The following FSTL4 variants were observed in gnomAD, a reference collection of about 807,000 sequenced individuals.
FSTL4 encodes the protein follistatin-related protein 4.
A neutral mutation model predicts 78.2 loss-of-function variants in FSTL4; 28 were observed. That is an observed-to-expected ratio of 0.36 (90% confidence interval 0.27 to 0.49). The LOEUF is 0.49. FSTL4 is among the 20% of genes least tolerant of loss of function. The pLI is 0.98. For synonymous variants in FSTL4, 422 were observed against 440.5 expected (o/e 0.96, Z 0.53); for missense variants, 922 against 1,084.9 (o/e 0.85, Z 2.11).
intron 3 of FSTL4, among the ~76,000 whole-genome samples, chr5:133,449,547 G>A (rs1238504091): frequency 6.6e-6 from 1 of 152,182 alleles, no homozygotes; most frequent in African/African-American, 2.4e-5. Flanking sequence ...AAAGCAACCA[G>A]GAGTGATCTC....
At chr5:133,511,514 C>T (rs1481587485) in intron 3 of FSTL4, among the ~76,000 whole-genome samples, 1 of 152,124 alleles carries the variant, frequency 6.6e-6, no homozygotes, top group African/African-American at 2.4e-5. Flanking sequence ...TTGCTGTGAC[C>T]ACGTCTAACT....
rs1477914786 is a variant in FSTL4, at chr5:133,535,584, G to C, written c.160+31602C>G. Among the ~76,000 whole-genome samples, 4 of 152,304 alleles carry C rather than the reference G, an allele frequency of 2.6e-5. No homozygotes were observed. The East Asian group carries it at 7.7e-4, about 29-fold the overall frequency. ...ACTGGTTTGCTGTTAATAAATACGT[G>C]GGTAAATCTCTGTTCAGGGCTCTCA... is the stretch of plus-strand genomic sequence containing the variant. On this transcript the variant is annotated intron_variant, in intron 3 of 15. Coordinates refer to ENST00000265342, the MANE Select transcript of FSTL4 (RefSeq NM_015082.2).
At chr5:133,644,944 C>T in the FSTL4 span, among the ~76,000 whole-genome samples, 2 of 152,098 alleles carry the variant, frequency 1.3e-5, no homozygotes, top group East Asian at 1.9e-4. Flanking sequence ...CTATAGCTCC[C>T]GACAGGCAGC....
chr5:133,594,681 G>T (rs972104254), intron 2 of FSTL4, among the ~76,000 whole-genome samples: 7 of 152,218 alleles, frequency 4.6e-5, no homozygotes, highest in African/African-American at 1.7e-4. Context: ...TACTTACCTG[G>T]AATGGACATT....
the FSTL4 span, among the ~76,000 whole-genome samples, chr5:133,678,268 T>C: frequency 6.6e-6 from 1 of 152,114 alleles, no homozygotes; most frequent in South Asian, 2.1e-4. Flanking sequence ...GAACAAACTC[T>C]AGGGAGACAG....
intron 3 of FSTL4, among the ~76,000 whole-genome samples, chr5:133,439,199 G>T (rs1008940923): frequency 6.6e-6 from 1 of 152,162 alleles, no homozygotes; most frequent in African/African-American, 2.4e-5. Context: ...TGGACAGGGT[G>T]GACAACGGGA....
the FSTL4 span, among the ~76,000 whole-genome samples, chr5:133,656,915 T>C: frequency 1.3e-5 from 2 of 152,076 alleles, no homozygotes; most frequent in Non-Finnish European, 2.9e-5. Flanking sequence ...GGTGTTTTAG[T>C]TGTGGTTGGA....
intron 2 of FSTL4, among the ~76,000 whole-genome samples, chr5:133,599,524 G>A (rs1458463077): frequency 1.3e-5 from 2 of 152,186 alleles, no homozygotes; most frequent in African/African-American, 4.8e-5. Context: ...TAAGCACTGA[G>A]GCACATGAGG....
chr5:133,291,892 G>A (rs932061060), intron 6 of FSTL4, among the ~76,000 whole-genome samples: 1 of 152,194 alleles, frequency 6.6e-6, no homozygotes, highest in Non-Finnish European at 1.5e-5. Context: ...GGAGAGGGCT[G>A]TGGGCCATAG....
intron 3 of FSTL4, among the ~76,000 whole-genome samples, chr5:133,557,097 G>T (rs868590922): frequency 6.6e-6 from 1 of 152,186 alleles, no homozygotes; most frequent in African/African-American, 2.4e-5. Context: ...AAAAGAACAA[G>T]GTGAAAGAAC....
chr5:133,407,845 C>T (rs552310421), intron 3 of FSTL4, among the ~76,000 whole-genome samples: 17 of 152,272 alleles, frequency 1.1e-4, no homozygotes, highest in Admixed American at 7.2e-4. Context: ...GTGACTGTCA[C>T]GATAATCTAA....
the FSTL4 span, among the ~76,000 whole-genome samples, chr5:133,827,805 G>T: frequency 6.6e-6 from 1 of 151,798 alleles, no homozygotes; most frequent in Non-Finnish European, 1.5e-5. Context: ...AACAACCCAG[G>T]GTTGACAAAG....
intron 4 of FSTL4, among the ~76,000 whole-genome samples, chr5:133,349,295 C>CTCTGTGTGTGTGTGTGTGTGTGTGTGTG (rs11269337): frequency 7.2e-6 from 1 of 139,682 alleles, no homozygotes; most frequent in South Asian, 2.5e-4. Flanking sequence ...GCCTCTCTCT[C>CTCTGTGTGTGTGTGTGTGTGTGTGTGTG]TGTGTGTGTG....
At chr5:133,528,484 C>T (rs543032213) in intron 3 of FSTL4, among the ~76,000 whole-genome samples, 6 of 152,298 alleles carry the variant, frequency 3.9e-5, no homozygotes, top group South Asian at 2.1e-4. Context: ...CTGACCACCG[C>T]GTCTGGATTC....
the FSTL4 span, among the ~76,000 whole-genome samples, chr5:133,811,499 A>G: frequency 6.6e-6 from 1 of 152,304 alleles, no homozygotes; most frequent in Non-Finnish European, 1.5e-5. Flanking sequence ...GGCATCCCCA[A>G]GAAGCATGTC....
chr5:133,389,651 G>A (rs1755792342), intron 4 of FSTL4, among the ~76,000 whole-genome samples: 2 of 152,168 alleles, frequency 1.3e-5, no homozygotes, highest in South Asian at 4.1e-4. Context: ...GAAAGGTTCT[G>A]CCCTTCATAT....
In FSTL4 at chr5:133,199,792, C is replaced by A; in HGVS notation, c.1832G>T (p.Gly611Val). 1.3e-6 allele frequency: 2 copies of A among 1,534,904 alleles called. No homozygotes were observed. The highest frequency in any genetic ancestry group is 1.8e-6 in the Non-Finnish European group (2 of 1,131,996). The change falls in exon 16 of 16, where the codon GGC becomes GTC. Residue 611 changes from glycine (G) to valine (V), a missense_variant. Gly to Val is a moderately radical substitution (Grantham distance 109). Coordinates refer to ENST00000265342, the MANE Select transcript of FSTL4 (RefSeq NM_015082.2). This position sits in a 1 kb window ranked among gnomAD's most constrained non-coding sequence, Gnocchi z 4.4. ...AGGATCAGACTTGTTGAAGATGAAGCCAAACCTGGGAGGGGAAGAACTGAG... is the reference window on the plus strand; with the variant it reads ...AGGATCAGACTTGTTGAAGATGAAGACAAACCTGGGAGGGGAAGAACTGAG... ...TNLIINHIRF[G>V]FIFNKSDPAV...
rs73788161 is a variant in FSTL4 at position 133,582,012 on chromosome 5, C to G, written c.127-14793G>C. ...TATGGGGAAGGGTGTCCCTTCGTAA[C>G]AGAGGGTATCAGCTGGGTGTCACAG... On this transcript the variant is annotated intron_variant, in intron 2 of 15. Coordinates refer to ENST00000265342, the MANE Select transcript of FSTL4 (RefSeq NM_015082.2). Among the ~76,000 whole-genome samples the G allele has an allele frequency of 9.4e-3, 1,434 of 152,318 alleles. 28 individuals carry two copies. The highest frequency in any genetic ancestry group is 0.034 in the African/African-American group (1,395 of 41,570).
At chr5:133,790,268 TG>T in the FSTL4 span, among the ~76,000 whole-genome samples, 1 of 152,242 alleles carries the variant, frequency 6.6e-6, no homozygotes, top group Non-Finnish European at 1.5e-5. Context: ...GTGAAAATCC[TG>T]GCTCTGACCT....
Sources: gnomAD v4.1 joint callset for allele counts (sites outside exome capture counted in the v4.1 genomes callset) on GRCh38, gnomAD v4.1.1 for gene constraint, Gnocchi (gnomAD v3.1) non-coding constraint, MANE v1.5 for transcripts, NCBI Gene and HGNC (gene_info 2026-07-23, HGNC 2026-07-21) for gene names.